SYT10: variants seen among roughly 807,000 people sequenced by gnomAD.
SYT10 encodes the protein synaptotagmin-10.
In SYT10, 31 loss-of-function variants were observed where a neutral mutation model predicts 51.1. The ratio of observed to expected loss-of-function variants is 0.61; its 90% confidence interval spans 0.46 to 0.82. The LOEUF (loss-of-function observed/expected upper bound fraction) is 0.82. Among genes scored for constraint, SYT10 ranks in the 40% least tolerant of loss-of-function variants. SYT10 has a pLI of 0.00. For synonymous variants in SYT10, 233 were observed against 225.9 expected (o/e 1.03, Z -0.28); for missense variants, 603 against 634.0 (o/e 0.95, Z 0.53).
intron 2 of SYT10, among the ~76,000 whole-genome samples, chr12:33,415,823 A>G (rs2138423457): frequency 6.6e-6 from 1 of 152,336 alleles, no homozygotes; most frequent in East Asian, 1.9e-4. Flanking sequence ...ACCATGCAAA[A>G]AACTATAGGG....
Position 33,376,847 on chromosome 12 carries a change from G to A in SYT10, c.1555C>T (p.Pro519Ser), listed in dbSNP as rs201820175. 6.2e-7 allele frequency: 1 copy of A among 1,614,108 alleles called. No homozygotes were observed. Among genetic ancestry groups the A allele is most frequent in the East Asian group, 2.2e-5 (1 of 44,872 alleles). Reference protein sequence around the residue: ...DSQGSCPSPKPPSTP With the variant: ...DSQGSCPSPKSPSTP ...TGGAGGCATTATGGTGTGGAAGGTG[G>A]TTTAGGAGAAGGGCAGGATCCTTGA... Residue 519 changes from proline to serine, a missense_variant, in exon 7 of 7, where the codon CCA becomes TCA. Physicochemically the swap from Pro to Ser is moderately conservative, Grantham distance 74. Coordinates refer to ENST00000228567, the MANE Select transcript of SYT10 (RefSeq NM_198992.4).
intron 2 of SYT10, among the ~76,000 whole-genome samples, chr12:33,418,030 T>C (rs1270511337): frequency 1.3e-5 from 2 of 152,214 alleles, no homozygotes. Context: ...CAAAACTCTT[T>C]GAAAGAGTTG....
intron 6 of SYT10, among the ~76,000 whole-genome samples, chr12:33,378,814 C>CTA (rs71447646): frequency 6.9e-6 from 1 of 145,184 alleles, no homozygotes; most frequent in Admixed American, 6.9e-5. Flanking sequence ...GACTGGGTAT[C>CTA]TGTGTGTGTG....
At chr12:33,421,842 T>C (rs969803467) in intron 2 of SYT10, among the ~76,000 whole-genome samples, 1 of 152,154 alleles carries the variant, frequency 6.6e-6, no homozygotes, top group African/African-American at 2.4e-5. Context: ...TTAAAGATCT[T>C]GTAGTACATA....
chr12:33,385,603 C>T (rs1866150717), intron 3 of SYT10, among the ~76,000 whole-genome samples: 1 of 152,184 alleles, frequency 6.6e-6, no homozygotes, highest in Admixed American at 6.5e-5. Context: ...CAACAAACGG[C>T]ATCATAATTC....
At position 33,406,751 on chromosome 12, in the gene SYT10, C is replaced by A. The variant is rs1866356139; in HGVS notation, c.1077+38G>T. 4 of 1,510,566 alleles carry A rather than the reference C, an allele frequency of 2.6e-6. No individual in the cohort carries two copies. The South Asian group carries it at 3.9e-5, about 15-fold the overall frequency. 93.6% of individuals were successfully genotyped at this position (1,510,566 alleles called of 1,614,324 possible). A position where few individuals can be genotyped will look rare whatever the true frequency, so the allele number is the denominator to read the frequency against. On this transcript the variant is annotated intron_variant, in intron 3 of 6. Coordinates refer to ENST00000228567, the MANE Select transcript of SYT10 (RefSeq NM_198992.4). Reference sequence around the variant, plus strand: ...TAATTAGTCACATAGCATTGTAAGTCAAATAAAAAACAATATATTGGTGGA... The same window carrying A: ...TAATTAGTCACATAGCATTGTAAGTAAAATAAAAAACAATATATTGGTGGA...
intron 3 of SYT10, among the ~76,000 whole-genome samples, chr12:33,395,127 A>G (rs1012987776): frequency 5.3e-5 from 8 of 152,206 alleles, no homozygotes; most frequent in Admixed American, 5.2e-4. Flanking sequence ...AAAAAGAAAT[A>G]GTGCCTACAA....
intron 1 of SYT10, among the ~76,000 whole-genome samples, chr12:33,429,402 A>C (rs1263642735): frequency 1.3e-5 from 2 of 152,226 alleles, no homozygotes; most frequent in Admixed American, 1.3e-4. Flanking sequence ...AATAAGAACT[A>C]TAGAGAATAG....
intron 2 of SYT10, among the ~76,000 whole-genome samples, chr12:33,420,635 G>C (rs535408370): frequency 1.3e-5 from 2 of 152,170 alleles, no homozygotes; most frequent in African/African-American, 4.8e-5. Flanking sequence ...CTGGGCAACA[G>C]AGTGAGACTC....
At chr12:33,405,578 C>G (rs575967663) in intron 3 of SYT10, 1 of 151,584 alleles carries the variant, frequency 6.6e-6, no homozygotes. Flanking sequence ...ATCCCACATA[C>G]TGATTGTAAT....
chr12:33,426,439 C>T lies in SYT10; in HGVS notation c.208G>A (p.Val70Ile). ...VVSFCGLALL[V>I]VSLFVFWKLC... ...TTCCAGAAGACAAAAAGTGAGACAACCAACAAGGCCAGTCCACAAAAGCTG... is the reference window on the plus strand; with the variant it reads ...TTCCAGAAGACAAAAAGTGAGACAATCAACAAGGCCAGTCCACAAAAGCTG... Residue 70 changes from valine (V) to isoleucine (I), a missense_variant, in exon 2 of 7, where the codon GTT becomes ATT. Coordinates refer to ENST00000228567, the MANE Select transcript of SYT10 (RefSeq NM_198992.4). 2 of 1,612,558 alleles carry T rather than the reference C, an allele frequency of 1.2e-6. No individual in the cohort carries two copies. The highest frequency in any genetic ancestry group is 1.7e-6 in the Non-Finnish European group (2 of 1,179,594).
At chr12:33,435,600 A>G (rs1866632124) in intron 1 of SYT10, among the ~76,000 whole-genome samples, 1 of 152,192 alleles carries the variant, frequency 6.6e-6, no homozygotes, top group Admixed American at 6.5e-5. Context: ...AATTCTACTG[A>G]TAATATGTTT....
At position 33,406,871 on chromosome 12, in the gene SYT10, T is replaced by C. The variant is rs1332014753; in HGVS notation, c.995A>G (p.Glu332Gly). Residue 332 changes from glutamate to glycine, a missense_variant, in exon 3 of 7, where the codon GAA (glutamate) becomes GGA (glycine). Coordinates refer to ENST00000228567, the MANE Select transcript of SYT10 (RefSeq NM_198992.4). ...DRFSRHDMIGEVILDNLFEVS... is the reference protein window; with the variant it reads ...DRFSRHDMIGGVILDNLFEVS... ...TTCAAACAAATTATCAAGAATCACT[T>C]CCCCAATCATGTCATGTCTAGAAAA... 9.9e-6 allele frequency: 16 copies of C among 1,613,916 alleles called. No individual in the cohort carries two copies. The highest frequency in any genetic ancestry group is 1.3e-5 in the African/African-American group (1 of 74,898).
intron 1 of SYT10, among the ~76,000 whole-genome samples, chr12:33,428,571 C>G (rs766863664): frequency 6.6e-6 from 1 of 152,094 alleles, no homozygotes; most frequent in Non-Finnish European, 1.5e-5. Flanking sequence ...TCTATGAGAC[C>G]AGTGAAGCAG....
Position 33,439,538 on chromosome 12 carries a change from T to C in SYT10, c.-16A>G. The C allele has an allele frequency of 6.2e-7, 1 of 1,611,170 alleles. No homozygotes were observed. Among genetic ancestry groups the C allele is most frequent in the Non-Finnish European group, 8.5e-7 (1 of 1,177,976 alleles). ...GGAAACTCATCGTTTGGCTTTTCTTTCGTTTTCTCTTTTTTTCCCAGTTAG... is the reference window on the plus strand; with the variant it reads ...GGAAACTCATCGTTTGGCTTTTCTTCCGTTTTCTCTTTTTTTCCCAGTTAG... On this transcript the variant is annotated 5_prime_UTR_variant, in exon 1 of 7. Coordinates refer to ENST00000228567, the MANE Select transcript of SYT10 (RefSeq NM_198992.4).
chr12:33,401,300 C>T lies in SYT10; in HGVS notation c.1077+5489G>A, dbSNP rs565795237. Among the ~76,000 whole-genome samples, 4 of 152,198 alleles carry T rather than the reference C, an allele frequency of 2.6e-5. No homozygotes were observed. In the South Asian group the frequency reaches 8.3e-4, roughly 31 times the overall value. ...CTCCTTTACATTTCAGAAATAGCAGCATAGGGTACACACTGTTTTTTAATA... is the reference window on the plus strand; with the variant it reads ...CTCCTTTACATTTCAGAAATAGCAGTATAGGGTACACACTGTTTTTTAATA... On this transcript the variant is annotated intron_variant, in intron 3 of 6. Transcript: ENST00000228567.
At chr12:33,384,073 C>T (rs1177350478) in intron 4 of SYT10, among the ~76,000 whole-genome samples, 1 of 152,064 alleles carries the variant, frequency 6.6e-6, no homozygotes, top group East Asian at 1.9e-4. Context: ...AAAAAATGAA[C>T]ATCATGACAT....
chr12:33,406,110 C>A (rs1454997620), intron 3 of SYT10, among the ~76,000 whole-genome samples: 1 of 151,884 alleles, frequency 6.6e-6, no homozygotes, highest in Non-Finnish European at 1.5e-5. Context: ...ATTGGTAGCA[C>A]TGTAGATTAT....
chr12:33,404,455 G>A (rs1337651271), intron 3 of SYT10, among the ~76,000 whole-genome samples: 15 of 152,066 alleles, frequency 9.9e-5, no homozygotes, highest in East Asian at 3.9e-4. Flanking sequence ...CAGTGGCTGC[G>A]ATCTCAGCTC....
Sources: gnomAD v4.1 joint callset for allele counts (sites outside exome capture counted in the v4.1 genomes callset) on GRCh38, gnomAD v4.1.1 for gene constraint, MANE v1.5 for transcripts, NCBI Gene and HGNC (gene_info 2026-07-23, HGNC 2026-07-21) for gene names.